RGS6: variants seen among roughly 807,000 people sequenced by gnomAD.
The protein encoded by RGS6 is regulator of G-protein signaling 6.
A neutral mutation model predicts 78.5 loss-of-function variants in RGS6; 30 were observed. The ratio of observed to expected loss-of-function variants is 0.38; its 90% CI spans 0.29 to 0.52. The LOEUF (loss-of-function observed/expected upper bound fraction) is 0.52. Ranked by LOEUF, RGS6 falls within the 20% of genes least tolerant of loss-of-function variation. The pLI is 0.85. For missense variants in RGS6, 495 were observed against 609.7 expected (o/e 0.81, Z 1.98); for synonymous variants, 206 against 206.0 (o/e 1.00, Z 0.00).
At chr14:72,497,186 A>AAAAATGGG (rs2096656702) in intron 13 of RGS6, among the ~76,000 whole-genome samples, 1 of 152,176 alleles carries the variant, frequency 6.6e-6, no homozygotes, top group Non-Finnish European at 1.5e-5. Flanking sequence ...AAACTGTAAC[A>AAAAATGGG]CATCTTTTTC....
At chr14:72,446,426 A>T (rs1165690537) in intron 3 of RGS6, among the ~76,000 whole-genome samples, 1 of 152,206 alleles carries the variant, frequency 6.6e-6, no homozygotes, top group African/African-American at 2.4e-5. Context: ...TGACGTTGAA[A>T]GCCAAAGGAC....
intron 13 of RGS6, among the ~76,000 whole-genome samples, chr14:72,502,283 A>T (rs1240194232): frequency 6.6e-6 from 1 of 152,172 alleles, no homozygotes; most frequent in African/African-American, 2.4e-5. Flanking sequence ...CTGTTAGGTG[A>T]TGAGCCCTCC....
intron 17 of RGS6, among the ~76,000 whole-genome samples, chr14:72,560,010 G>A (rs979123120): frequency 6.6e-6 from 1 of 152,170 alleles, no homozygotes. Flanking sequence ...GAATGAGGCT[G>A]CAGTGAAGGT....
intron 2 of RGS6, among the ~76,000 whole-genome samples, chr14:72,335,640 G>C (rs978163829): frequency 1.3e-5 from 2 of 152,150 alleles, no homozygotes; most frequent in African/African-American, 4.8e-5. Context: ...GTTTAAATCA[G>C]GAGTGTCGAA....
chr14:72,244,704 T>G (rs985584115), intron 2 of RGS6, among the ~76,000 whole-genome samples: 1 of 152,182 alleles, frequency 6.6e-6, no homozygotes, highest in East Asian at 1.9e-4. Flanking sequence ...GCTTGCTTTC[T>G]CTCCCATTCC....
chr14:72,617,743 G>A, the RGS6 span, among the ~76,000 whole-genome samples: 1 of 152,136 alleles, frequency 6.6e-6, no homozygotes, highest in Non-Finnish European at 1.5e-5. Flanking sequence ...CAAATACTGC[G>A]GCCGGGCAGA....
chr14:71,932,240 C>T (rs2152922063), upstream of RGS6, among the ~76,000 whole-genome samples: 1 of 152,110 alleles, frequency 6.6e-6, no homozygotes, highest in Non-Finnish European at 1.5e-5. Flanking sequence ...ACAGGTGAGC[C>T]GTGCGGCGGC....
intron 2 of RGS6, among the ~76,000 whole-genome samples, chr14:72,171,849 AGTGTT>A (rs1357173735): frequency 6.6e-6 from 1 of 152,226 alleles, no homozygotes; most frequent in Non-Finnish European, 1.5e-5. Context: ...TGAGATAGGT[AGTGTT>A]ATTATACCAC....
chr14:72,517,152 GAAAC>G (rs1158816697), intron 14 of RGS6, among the ~76,000 whole-genome samples: 9 of 137,132 alleles, frequency 6.6e-5, no homozygotes, highest in African/African-American at 2.4e-4. Context: ...AAAAAAAAAA[GAAAC>G]AAGTACATCT....
chr14:72,570,375 G>A (rs2097718915), downstream of RGS6, among the ~76,000 whole-genome samples: 1 of 152,162 alleles, frequency 6.6e-6, no homozygotes, highest in Admixed American at 6.5e-5. Flanking sequence ...AATATTGAGG[G>A]ACAACTGTAC....
intron 1 of RGS6, among the ~76,000 whole-genome samples, chr14:71,936,105 A>ATGG (rs1007294450): frequency 6.8e-6 from 1 of 148,102 alleles, no homozygotes; most frequent in Non-Finnish European, 1.5e-5. Flanking sequence ...TATACATATG[A>ATGG]TATATGTACA....
At chr14:72,462,576 C>T in intron 6 of RGS6, among the ~76,000 whole-genome samples, 1 of 152,282 alleles carries the variant, frequency 6.6e-6, no homozygotes, top group East Asian at 1.9e-4. Context: ...TCAGTGGGCT[C>T]AATGGAAGCA....
chr14:72,285,632 T>G (rs1213969333), intron 2 of RGS6, among the ~76,000 whole-genome samples: 1 of 152,210 alleles, frequency 6.6e-6, no homozygotes, highest in Non-Finnish European at 1.5e-5. Flanking sequence ...CATTTTACAT[T>G]TCCACTAACA....
At chr14:71,929,844 A>G (rs2087775804), upstream of RGS6, among the ~76,000 whole-genome samples, 1 of 152,208 alleles carries the variant, frequency 6.6e-6, no homozygotes, top group Non-Finnish European at 1.5e-5. Context: ...AAAGGGTTAA[A>G]TTTGTCATTA....
intron 2 of RGS6, among the ~76,000 whole-genome samples, chr14:72,103,873 AAAG>A (rs1162649153): frequency 6.6e-6 from 1 of 152,216 alleles, no homozygotes; most frequent in Non-Finnish European, 1.5e-5. Flanking sequence ...GTTGCCTATA[AAAG>A]AAGGATTTTG....
intron 2 of RGS6, among the ~76,000 whole-genome samples, chr14:72,045,650 G>A (rs538792273): frequency 8.6e-5 from 13 of 151,940 alleles, no homozygotes; most frequent in Non-Finnish European, 1.8e-4. Flanking sequence ...TTCTTAGTGG[G>A]CTTGCATTCA....
chr14:72,127,834 C>T (rs952241431), intron 2 of RGS6, among the ~76,000 whole-genome samples: 4 of 152,146 alleles, frequency 2.6e-5, no homozygotes, highest in Admixed American at 1.3e-4. Context: ...ACCCCTCATT[C>T]CCATCCCTGA....
chr14:71,997,125 G>T (rs2095236112), intron 2 of RGS6, among the ~76,000 whole-genome samples: 1 of 152,180 alleles, frequency 6.6e-6, no homozygotes, highest in Non-Finnish European at 1.5e-5. Flanking sequence ...GAGATGGAGA[G>T]GTGACTAGAT....
the RGS6 span, among the ~76,000 whole-genome samples, chr14:71,885,480 C>T: frequency 1.3e-5 from 2 of 152,192 alleles, no homozygotes; most frequent in Non-Finnish European, 2.9e-5. Flanking sequence ...AGAGCCAATT[C>T]TCAAAGGGCA....
Sources: allele counts gnomAD v4.1 joint callset (sites outside exome capture counted in the v4.1 genomes callset), GRCh38; gene constraint gnomAD v4.1.1; transcripts MANE v1.5; gene names NCBI Gene and HGNC (gene_info 2026-07-23, HGNC 2026-07-21).